The following EGF variants were observed in gnomAD, a reference collection of about 807,000 sequenced individuals.
The protein encoded by EGF is pro-epidermal growth factor.
EGF carries 95 observed loss-of-function variants against 143.8 expected under a neutral mutation model. The observed-to-expected ratio is 0.66, with a 90% CI of 0.56 to 0.78. The LOEUF is 0.78. EGF is among the 30% of genes least tolerant of loss of function. The pLI is 0.00. For missense variants in EGF, 1,320 were observed against 1,470.9 expected (o/e 0.90, Z 1.68); for synonymous variants, 510 against 510.5 (o/e 1.00, Z 0.01).
rs189159253 is a variant in EGF at position 109,938,892 on chromosome 4, C to T, written c.128-2054C>T. On this transcript the variant is annotated intron_variant, in intron 1 of 23. Coordinates refer to ENST00000265171, the MANE Select transcript of EGF (RefSeq NM_001963.6). ...TGCTGCCTGATTCTTCCTCTGGAAG[C>T]TTTGTCCCAGAGGGGCACTTGCCTG... is the stretch of plus-strand genomic sequence containing the variant. Among the ~76,000 whole-genome samples, 19 of 152,294 alleles carry T rather than the reference C, an allele frequency of 1.2e-4. No individual in the cohort carries two copies. In the East Asian group the frequency reaches 2.3e-3, roughly 19 times the overall value.
chr4:109,932,380 T>TATATATATATATATATATA (rs1560643531), intron 1 of EGF, among the ~76,000 whole-genome samples: 9 of 103,786 alleles, frequency 8.7e-5, no homozygotes, highest in African/African-American at 1.3e-4. Context: ...TATATATAAA[T>TATATATATATATATATATA]TTTTTTTTTT....
intron 1 of EGF, among the ~76,000 whole-genome samples, chr4:109,935,564 G>A (rs532570646): frequency 2.0e-5 from 3 of 152,018 alleles, no homozygotes; most frequent in Non-Finnish European, 4.4e-5. Context: ...TTGCCTGATT[G>A]CCCTGGCCAG....
Position 109,943,902 on chromosome 4 carries a change from G to A in EGF, c.570G>A (p.Val190=). The stretch of plus-strand genomic sequence containing the variant: ...TTTATAGAGCAGATCTCGATGGTGT[G>A]GGAGTGAAGGCTCTGTTGGAGACAT... ...GSLYRADLDG[V]GVKALLETSE... Residue 190 remains valine, a synonymous_variant, in exon 4 of 24, where the codon GTG becomes GTA. Transcript: ENST00000265171. 1.2e-6 allele frequency: 2 copies of A among 1,614,074 alleles called. No homozygotes were observed. The highest frequency in any genetic ancestry group is 1.1e-5 in the South Asian group (1 of 91,062).
rs781238453 is a variant in EGF at position 109,988,572 on chromosome 4, T to C, written c.2609-12T>C. 1.9e-6 allele frequency: 3 copies of C among 1,613,934 alleles called. No homozygotes were observed. In the Admixed American group the frequency reaches 5.0e-5, roughly 27 times the overall value. ...GCCTAAATATTGCACTAGTTCATAA[T>C]TTTGCCCACAGATATAGATGAATGT... On this transcript the variant is annotated splice_polypyrimidine_tract_variant and intron_variant, in intron 17 of 23. Coordinates refer to ENST00000265171, the MANE Select transcript of EGF (RefSeq NM_001963.6).
At chr4:109,927,806 CGTGTGTGTGTGTGTGTGTGTGTGT>C (rs57788647) in intron 1 of EGF, among the ~76,000 whole-genome samples, 2 of 136,396 alleles carry the variant, frequency 1.5e-5, no homozygotes, top group South Asian at 2.4e-4. Flanking sequence ...TGAATTTTGC[CGTGTGTGTGTGTGTGTGTGTGTGT>C]GTGTGTGTGT....
intron 1 of EGF, among the ~76,000 whole-genome samples, chr4:109,924,789 G>A (rs1278994418): frequency 8.5e-5 from 13 of 152,134 alleles, no homozygotes; most frequent in Non-Finnish European, 1.2e-4. Flanking sequence ...TGTTGGCTAC[G>A]TAAGAGCTGA....
chr4:109,919,922 T>G (rs1393469777), intron 1 of EGF, among the ~76,000 whole-genome samples: 1 of 151,786 alleles, frequency 6.6e-6, no homozygotes, highest in African/African-American at 2.4e-5. Context: ...GATACACATC[T>G]GTAAATAGAG....
At chr4:109,920,860 T>C (rs937153450) in intron 1 of EGF, among the ~76,000 whole-genome samples, 10 of 151,652 alleles carry the variant, frequency 6.6e-5, no homozygotes, top group Non-Finnish European at 1.5e-4. Flanking sequence ...TGCCTAGATA[T>C]TAGGTGAACT....
In EGF at chr4:109,941,526, C is replaced by T. The variant is rs111293137; in HGVS notation, c.327+381C>T. 6.0e-3 allele frequency among the ~76,000 whole-genome samples: 917 copies of T among 152,198 alleles called. 8 individuals are homozygous for T. Among genetic ancestry groups the T allele is most frequent in the African/African-American group, 0.021 (856 of 41,528 alleles). On this transcript the variant is annotated intron_variant, in intron 2 of 23. Transcript: ENST00000265171. ...GGGAACAATTGGCAGTGTCTGGAAACATTTTTGGTTGTCACAAGTAGGTGA... is the reference window on the plus strand; with the variant it reads ...GGGAACAATTGGCAGTGTCTGGAAATATTTTTGGTTGTCACAAGTAGGTGA...
intron 18 of EGF, among the ~76,000 whole-genome samples, chr4:109,989,493 T>A (rs542275837): frequency 6.6e-6 from 1 of 152,360 alleles, no homozygotes; most frequent in Non-Finnish European, 1.5e-5. Context: ...CAAATGATAC[T>A]GCTTTCTCCC....
chr4:109,929,396 C>G (rs1477408539), intron 1 of EGF, among the ~76,000 whole-genome samples: 1 of 152,012 alleles, frequency 6.6e-6, no homozygotes, highest in African/African-American at 2.4e-5. Context: ...ATATGCTCCC[C>G]CAGAGATAAC....
rs1754118562 is a variant in EGF, at chr4:110,012,852, G to A, written c.*1397G>A. Among the ~76,000 whole-genome samples the A allele has an allele frequency of 6.6e-6, 1 of 152,002 alleles. No homozygotes were observed. The highest frequency in any genetic ancestry group is 1.5e-5 in the Non-Finnish European group (1 of 67,992). ...TGATATGGTAACTTTAAATTTTGGG[G>A]GCTTTGAATCATTCAGTTTATGCAT... On this transcript the variant is annotated 3_prime_UTR_variant, in exon 24 of 24. Transcript: ENST00000265171.
chr4:109,917,310 T>C (rs534491375), intron 1 of EGF, among the ~76,000 whole-genome samples: 3 of 152,196 alleles, frequency 2.0e-5, no homozygotes, highest in Non-Finnish European at 4.4e-5. Context: ...AATTTAGAAG[T>C]TGCTTGTGTT....
intron 1 of EGF, among the ~76,000 whole-genome samples, chr4:109,916,767 AT>A (rs1736734291): frequency 6.6e-6 from 1 of 152,114 alleles, no homozygotes; most frequent in East Asian, 1.9e-4. Flanking sequence ...TTTAAAAATT[AT>A]TTTTATGAAT....
chr4:109,928,275 A>G (rs1235601475), intron 1 of EGF, among the ~76,000 whole-genome samples: 1 of 152,248 alleles, frequency 6.6e-6, no homozygotes, highest in African/African-American at 2.4e-5. Flanking sequence ...CATGCAAGAT[A>G]TACATTAGTT....
chr4:109,979,081 C>G (rs77099362), intron 13 of EGF, among the ~76,000 whole-genome samples: 1 of 152,184 alleles, frequency 6.6e-6, no homozygotes, highest in Non-Finnish European at 1.5e-5. Context: ...TACTTGCATG[C>G]CTTCTCAGAG....
chr4:110,011,306 C>A lies in EGF; in HGVS notation c.3475C>A (p.Gln1159Lys). The A allele has an allele frequency of 6.2e-7, 1 of 1,614,092 alleles. No homozygotes were observed. The highest frequency in any genetic ancestry group is 8.5e-7 in the Non-Finnish European group (1 of 1,180,006). ...PVSSDKGSCP[Q>K]VMERSFHMPS... ...ATCCAGTGATAAGGGCTCCTGTCCC[C>A]AGGTAATGGAGCGAAGCTTTCATAT... The change falls in exon 24 of 24, where the codon CAG becomes AAG. Residue 1159 changes from glutamine to lysine, a missense_variant. Physicochemically the swap from Gln to Lys is moderately conservative, Grantham distance 53 (BLOSUM62 1). Transcript: ENST00000265171.
intron 5 of EGF, among the ~76,000 whole-genome samples, chr4:109,953,493 C>T (rs779228444): frequency 3.9e-5 from 6 of 152,112 alleles, no homozygotes; most frequent in South Asian, 4.2e-4. Flanking sequence ...ATTCAGTGTT[C>T]GATCCTATTT....
intron 20 of EGF, among the ~76,000 whole-genome samples, chr4:109,999,023 C>G (rs1752197596): frequency 6.6e-6 from 1 of 152,216 alleles, no homozygotes. Flanking sequence ...GTGACAGTTT[C>G]ACTAATGGGA....
Sources: allele counts gnomAD v4.1 joint callset (sites outside exome capture counted in the v4.1 genomes callset), GRCh38; gene constraint gnomAD v4.1.1; transcripts MANE v1.5; gene names NCBI Gene and HGNC (gene_info 2026-07-23, HGNC 2026-07-21).